KCNG4: variants seen among roughly 807,000 people sequenced by gnomAD.
KCNG4 encodes the protein potassium voltage-gated channel modifier subfamily G member 4.
Under a neutral mutation model 28.2 loss-of-function variants are expected in KCNG4, and 30 were observed. The ratio of observed to expected loss-of-function variants is 1.06; its 90% confidence interval spans 0.80 to 1.44. The LOEUF is 1.44. Ranked by LOEUF, KCNG4 falls within the 40% of genes most tolerant of loss-of-function variation. The pLI is 0.00. For synonymous variants in KCNG4, 375 were observed against 315.5 expected, an observed-to-expected ratio of 1.19 and a Z score of -2.00; for missense variants, 879 against 712.3, an observed-to-expected ratio of 1.23 and a Z score of -2.66.
intron 2 of KCNG4, 128 bp downstream of exon 2, chr16:84,236,602 A>G: frequency 1.0e-6 from 1 of 1,000,896 alleles, no homozygotes; most frequent in Non-Finnish European, 1.4e-6. Flanking sequence ...AATATAACCC[A>G]TGTTGGATAA....
chr16:84,224,043 C>G (rs1425004317), intron 2 of KCNG4, among the ~76,000 whole-genome samples: 2 of 152,120 alleles, frequency 1.3e-5, no homozygotes, highest in Non-Finnish European at 2.9e-5. Flanking sequence ...TCCACCAGTC[C>G]TTCTGCCACT....
In KCNG4 at chr16:84,222,117, C is replaced by T. The variant is rs1434067646; in HGVS notation, c.*100G>A. 4.8e-6 allele frequency: 6 copies of T among 1,242,880 alleles called. No individual in the cohort carries two copies. Among genetic ancestry groups the T allele is most frequent in the Non-Finnish European group, 6.9e-6 (6 of 867,870 alleles). The allele number at this position is 1,242,880 out of a possible 1,614,324, so 77.0% of individuals were successfully genotyped here. ...TCCAGCTTTGAAAGTCTTCCCTGGG[C>T]TCTAGAAACACCACCAGGTGGTCTA... On this transcript the variant is annotated 3_prime_UTR_variant, in exon 3 of 3. Transcript: ENST00000308251.
In KCNG4 at chr16:84,222,942, G is replaced by A; in HGVS notation, c.835C>T (p.Leu279=). The part of the protein sequence containing the change: ...CVAWFSLEFC[L]RFVQAQDKCQ... ...TTGTCTTGGGCCTGGACAAACCGCA[G>A]GCAGAACTCCAGGGAGAACCAGGCC... Residue 279 remains leucine (L), a synonymous_variant, in exon 3 of 3, where the codon CTG becomes TTG. Coordinates refer to ENST00000308251, the MANE Select transcript of KCNG4 (RefSeq NM_172347.3). The A allele has an allele frequency of 6.3e-7, 1 of 1,592,570 alleles. No homozygotes were observed. The highest frequency in any genetic ancestry group is 8.6e-7 in the Non-Finnish European group (1 of 1,168,372).
In KCNG4 at chr16:84,224,250, T is replaced by TTTTTTTAATTTATTTA. The variant is rs1291924657; in HGVS notation, c.757-1231_757-1230insTAAATAAATTAAAAAA. Among the ~76,000 whole-genome samples the TTTTTTTAATTTATTTA allele has an allele frequency of 1.6e-4, 25 of 152,332 alleles. No homozygotes were observed. In the East Asian group the frequency reaches 4.4e-3, roughly 27 times the overall value. On this transcript the variant is annotated intron_variant, in intron 2 of 2. Coordinates refer to ENST00000308251, the MANE Select transcript of KCNG4 (RefSeq NM_172347.3). ...AGCTTGGCTGCATGTTGGAATCACC[T>TTTTTTTAATTTATTTA]GGGGGTTCCTTGAAACATTCTGTTG... is the stretch of plus-strand genomic sequence containing the variant.
rs12448596 is a variant in KCNG4, at chr16:84,226,086, G to A, written c.757-3066C>T. On this transcript the variant is annotated intron_variant, in intron 2 of 2. Transcript: ENST00000308251. The surrounding 1 kb of genome is among the most constrained non-coding windows in gnomAD (Gnocchi z 4.1). ...GGTCCTAGGAACCCCCTGGGCCCTG[G>A]GCACACCGGGATGGTTGGTCACCCT... 4.1e-4 allele frequency among the ~76,000 whole-genome samples: 63 copies of A among 152,288 alleles called. No homozygotes were observed. The highest frequency in any genetic ancestry group is 8.2e-4 in the Non-Finnish European group (56 of 67,996).
chr16:84,230,513 A>G (rs1029129516), intron 2 of KCNG4, among the ~76,000 whole-genome samples: 1 of 151,956 alleles, frequency 6.6e-6, no homozygotes, highest in African/African-American at 2.4e-5. Context: ...CAGAGCTTAC[A>G]GTGAGCCAAG....
intron 2 of KCNG4, chr16:84,235,975 C>T (rs1226614707): frequency 1.3e-5 from 2 of 152,148 alleles, no homozygotes; most frequent in African/African-American, 4.8e-5. Flanking sequence ...CTCGGGGTCT[C>T]CTGTAACTCC....
rs1412736963 is a variant in KCNG4, at chr16:84,236,903, A to G, written c.583T>C (p.Ser195Pro). The G allele has an allele frequency of 1.2e-6, 2 of 1,613,482 alleles. No individual in the cohort carries two copies. Among genetic ancestry groups the G allele is most frequent in the South Asian group, 1.1e-5 (1 of 91,074 alleles). ...CACAGGCCCCAGCGCGAGGAGTGCG[A>G]GGCGGGGCGGCGGGTCTCCCTCTGC... ...RQQRETRRPA[S>P]HSSRWGLCMN... The change falls in exon 2 of 3, where the codon TCG becomes CCG. Residue 195 changes from serine (S) to proline (P), a missense_variant. By Grantham distance (74) the Ser-to-Pro change is moderately conservative. Coordinates refer to ENST00000308251, the MANE Select transcript of KCNG4 (RefSeq NM_172347.3).
At chr16:84,233,252 C>T (rs1475746841) in intron 2 of KCNG4, among the ~76,000 whole-genome samples, 1 of 152,230 alleles carries the variant, frequency 6.6e-6, no homozygotes, top group African/African-American at 2.4e-5. Flanking sequence ...CCCAAGATCA[C>T]TGGGTTAGTC....
chr16:84,232,635 C>T (rs1904852717), intron 2 of KCNG4, among the ~76,000 whole-genome samples: 1 of 152,140 alleles, frequency 6.6e-6, no homozygotes, highest in Non-Finnish European at 1.5e-5. Flanking sequence ...TGCAGTGACT[C>T]ACGCCTATAA....
chr16:84,230,344 G>C (rs545540926), intron 2 of KCNG4, among the ~76,000 whole-genome samples: 13 of 134,714 alleles, frequency 9.7e-5, no homozygotes, highest in African/African-American at 3.1e-4. Context: ...GGCAGACGTT[G>C]CAGTAAGTTG....
chr16:84,228,683 A>C (rs1362464108), intron 2 of KCNG4, among the ~76,000 whole-genome samples: 1 of 152,032 alleles, frequency 6.6e-6, no homozygotes. Flanking sequence ...GAGTGCTGGA[A>C]CCAACCGGAC....
rs936881920 is a variant in KCNG4, at chr16:84,234,106, T to C, written c.756+2624A>G. On this transcript the variant is annotated intron_variant, in intron 2 of 2. Coordinates refer to ENST00000308251, the MANE Select transcript of KCNG4 (RefSeq NM_172347.3). ...CCCTGGGAAATCCGGAACTTTAAAA[T>C]CCGGTGCCCCTTAGAAGAGCTCAGG... is the stretch of plus-strand genomic sequence containing the variant. Among the ~76,000 whole-genome samples, 3 of 152,330 alleles carry C rather than the reference T, an allele frequency of 2.0e-5. No individual in the cohort carries two copies. In the Middle Eastern group the frequency reaches 0.01, roughly 518 times the overall value.
At chr16:84,227,435 G>C (rs566483128) in intron 2 of KCNG4, among the ~76,000 whole-genome samples, 281 of 152,248 alleles carry the variant, frequency 1.8e-3, no homozygotes, top group African/African-American at 6.5e-3. Context: ...AAATTAGCCA[G>C]GCATGGTGGC....
chr16:84,231,807 C>A (rs1904833948), intron 2 of KCNG4, among the ~76,000 whole-genome samples: 1 of 152,012 alleles, frequency 6.6e-6, no homozygotes, highest in Admixed American at 6.6e-5. Flanking sequence ...AGTTCGAGAC[C>A]AGACTGGGCA....
intron 2 of KCNG4, chr16:84,236,420 C>G (rs760896422): frequency 2.2e-6 from 1 of 453,750 alleles, no homozygotes; most frequent in Non-Finnish European, 3.9e-6. Flanking sequence ...GTCACAGACT[C>G]GGGAGAGCTG....
intron 2 of KCNG4, among the ~76,000 whole-genome samples, chr16:84,230,664 A>G (rs2151338402): frequency 6.6e-6 from 1 of 152,274 alleles, no homozygotes; most frequent in East Asian, 1.9e-4. Flanking sequence ...CCAGGATGAG[A>G]GGGAAGGCGA....
rs189475722 is a variant in KCNG4, at chr16:84,229,065, G to A, written c.757-6045C>T. On this transcript the variant is annotated intron_variant, in intron 2 of 2. Coordinates refer to ENST00000308251, the MANE Select transcript of KCNG4 (RefSeq NM_172347.3). ...TGTAATCCCAGCACTTCGGGAGGCT[G>A]AAGTGGGCAGATCACTTGAGGCAAG... is the stretch of plus-strand genomic sequence containing the variant. Among the ~76,000 whole-genome samples, 73 of 152,216 alleles carry A rather than the reference G, an allele frequency of 4.8e-4. 1 individual carries two copies. In the East Asian group the frequency reaches 6.8e-3, roughly 14 times the overall value.
At chr16:84,224,791 G>T (rs112516873) in intron 2 of KCNG4, among the ~76,000 whole-genome samples, 23 of 152,310 alleles carry the variant, frequency 1.5e-4, no homozygotes, top group African/African-American at 5.3e-4. Flanking sequence ...AGCACAGAGA[G>T]GGTCAGTGGC....
Sources: gnomAD v4.1 joint callset for allele counts (sites outside exome capture counted in the v4.1 genomes callset) on GRCh38, gnomAD v4.1.1 for gene constraint, Gnocchi (gnomAD v3.1) non-coding constraint, MANE v1.5 for transcripts, NCBI Gene and HGNC (gene_info 2026-07-23, HGNC 2026-07-21) for gene names.